SLIT3: variants seen among roughly 807,000 people sequenced by gnomAD.
SLIT3 encodes the protein slit guidance ligand 3.
A neutral mutation model predicts 184.0 loss-of-function variants in SLIT3; 68 were observed. The observed-to-expected ratio is 0.37, with a 90% CI of 0.30 to 0.45. The LOEUF (loss-of-function observed/expected upper bound fraction) is 0.45. SLIT3 is among the 20% of genes least tolerant of loss of function. The probability of loss-of-function intolerance (pLI) is 1.00; values close to 1 mark genes in which losing one functional copy is unlikely to be tolerated. For missense variants in SLIT3, 1,707 were observed against 2,026.0 expected (o/e 0.84, Z 3.02); for synonymous variants, 831 against 828.6 (o/e 1.00, Z -0.05).
At chr5:169,124,281 A>G (rs1760997531) in intron 4 of SLIT3, among the ~76,000 whole-genome samples, 1 of 152,198 alleles carries the variant, frequency 6.6e-6, no homozygotes, top group African/African-American at 2.4e-5. Flanking sequence ...TTTATTTTGT[A>G]TCTTTTAACT....
chr5:168,689,251 C>T (rs955802556), intron 29 of SLIT3, among the ~76,000 whole-genome samples: 1 of 152,216 alleles, frequency 6.6e-6, no homozygotes, highest in Admixed American at 6.5e-5. Flanking sequence ...TAGTACTTCT[C>T]CATCAACTAA....
intron 4 of SLIT3, among the ~76,000 whole-genome samples, chr5:168,897,058 A>G (rs1178293745): frequency 6.6e-6 from 1 of 152,166 alleles, no homozygotes; most frequent in African/African-American, 2.4e-5. Context: ...CTCTTTGGAG[A>G]AGGAAATCCT....
chr5:168,932,347 GACAC>G (rs375350401), intron 4 of SLIT3, among the ~76,000 whole-genome samples: 14,096 of 130,978 alleles, frequency 0.11, 776 homozygotes, highest in African/African-American at 0.15. Flanking sequence ...AGGGGAAAAA[GACAC>G]ACACACACAC....
chr5:169,282,033 A>G (rs1482841347), intron 1 of SLIT3, among the ~76,000 whole-genome samples: 2 of 152,242 alleles, frequency 1.3e-5, no homozygotes, highest in Admixed American at 1.3e-4. Flanking sequence ...CAACATGTCA[A>G]TAGTACTGAA....
In SLIT3 at chr5:168,896,879, T is replaced by C. The variant is rs574625135; in HGVS notation, c.414-13543A>G. 2.1e-3 allele frequency among the ~76,000 whole-genome samples: 325 copies of C among 152,294 alleles called. 3 individuals are homozygous for C. Among genetic ancestry groups the C allele is most frequent in the African/African-American group, 7.5e-3 (311 of 41,570 alleles). On this transcript the variant is annotated intron_variant, in intron 4 of 35. Coordinates refer to ENST00000519560, the MANE Select transcript of SLIT3 (RefSeq NM_003062.4). ...AGCAGAATGTTGGTCCAGCCACTTC[T>C]GTGCCGGCTCAGGGCAAGTCAAAGC... is the stretch of plus-strand genomic sequence containing the variant.
At chr5:168,725,111 G>A (rs1193752860) in intron 20 of SLIT3, among the ~76,000 whole-genome samples, 1 of 152,154 alleles carries the variant, frequency 6.6e-6, no homozygotes, top group African/African-American at 2.4e-5. Flanking sequence ...CTGTACTACA[G>A]TTCCCAGCAG....
chr5:168,689,474 C>T (rs1047593326), intron 29 of SLIT3, among the ~76,000 whole-genome samples: 11 of 152,202 alleles, frequency 7.2e-5, no homozygotes, highest in Non-Finnish European at 1.5e-4. Flanking sequence ...ACAGCCCCAC[C>T]CCTTTATATG....
intron 12 of SLIT3, among the ~76,000 whole-genome samples, chr5:168,778,511 C>T (rs1428482142): frequency 6.6e-6 from 1 of 152,198 alleles, no homozygotes; most frequent in African/African-American, 2.4e-5. Context: ...GCAGAGGCAT[C>T]AGAAGTCCTC....
At chr5:168,806,677 CATG>C in intron 8 of SLIT3, 90 bp from the exon 9 acceptor site, 3 of 1,438,604 alleles carry the variant, frequency 2.1e-6, no homozygotes, top group Non-Finnish European at 2.9e-6. Context: ...AAGGGCAAAG[CATG>C]ACCTGACAGC....
intron 4 of SLIT3, among the ~76,000 whole-genome samples, chr5:168,956,609 C>A (rs971414066): frequency 6.6e-6 from 1 of 151,916 alleles, no homozygotes; most frequent in Admixed American, 6.6e-5. Flanking sequence ...GCCTGGCCAA[C>A]GTGGTGAAAC....
chr5:169,241,497 G>A (rs1330296207), intron 3 of SLIT3, among the ~76,000 whole-genome samples: 2 of 152,132 alleles, frequency 1.3e-5, no homozygotes, highest in Non-Finnish European at 2.9e-5. Flanking sequence ...CCCATCGGCT[G>A]GGTGGCATCT....
intron 9 of SLIT3, among the ~76,000 whole-genome samples, chr5:168,803,939 G>A (rs1756859736): frequency 6.6e-6 from 1 of 151,800 alleles, no homozygotes; most frequent in Admixed American, 6.6e-5. Context: ...TGGGCAGAGT[G>A]GGGAAGAGAA....
chr5:169,158,876 C>CTTGT (rs1189213217), intron 4 of SLIT3, among the ~76,000 whole-genome samples: 6 of 152,048 alleles, frequency 3.9e-5, no homozygotes, highest in Non-Finnish European at 5.9e-5. Context: ...TTGTAACCCA[C>CTTGT]AAGAAAACAA....
At chr5:169,143,683 C>T (rs1319377714) in intron 4 of SLIT3, among the ~76,000 whole-genome samples, 1 of 152,158 alleles carries the variant, frequency 6.6e-6, no homozygotes, top group African/African-American at 2.4e-5. Flanking sequence ...TGCCTGTAAT[C>T]CCATCTACTC....
chr5:168,979,749 G>A (rs1406196418), intron 4 of SLIT3, among the ~76,000 whole-genome samples: 1 of 152,164 alleles, frequency 6.6e-6, no homozygotes, highest in African/African-American at 2.4e-5. Context: ...ACATACAAAT[G>A]TGCCTGCTGC....
intron 4 of SLIT3, among the ~76,000 whole-genome samples, chr5:169,155,205 C>T (rs1323553415): frequency 6.6e-6 from 1 of 152,202 alleles, no homozygotes; most frequent in Non-Finnish European, 1.5e-5. Context: ...AGCACATCCA[C>T]ATATTTTCCT....
At chr5:168,826,089 A>G (rs997009458) in intron 6 of SLIT3, among the ~76,000 whole-genome samples, 1 of 152,250 alleles carries the variant, frequency 6.6e-6, no homozygotes, top group Non-Finnish European at 1.5e-5. Context: ...ATTTAGCTGA[A>G]TATACAGTAC....
At chr5:169,005,876 G>A (rs1451980058) in intron 4 of SLIT3, among the ~76,000 whole-genome samples, 1 of 152,238 alleles carries the variant, frequency 6.6e-6, no homozygotes, top group Non-Finnish European at 1.5e-5. Context: ...GCTCAAGGTT[G>A]GTGTTGCAAA....
chr5:168,854,234 T>C (rs944207210), intron 5 of SLIT3, among the ~76,000 whole-genome samples: 1 of 151,916 alleles, frequency 6.6e-6, no homozygotes, highest in East Asian at 1.9e-4. Flanking sequence ...ACTCAAGTTA[T>C]TGTAGCCTGG....
Sources: allele counts gnomAD v4.1 joint callset (sites outside exome capture counted in the v4.1 genomes callset), GRCh38; gene constraint gnomAD v4.1.1; transcripts MANE v1.5; gene names NCBI Gene and HGNC (gene_info 2026-07-23, HGNC 2026-07-21).